The following DAPK3 variants were observed in gnomAD, a reference collection of about 807,000 sequenced individuals.
DAPK3 encodes death-associated protein kinase 3.
DAPK3 carries 24 observed loss-of-function variants against 30.6 expected under a neutral mutation model. The ratio of observed to expected loss-of-function variants is 0.78; its 90% CI spans 0.57 to 1.10. The LOEUF (loss-of-function observed/expected upper bound fraction) is 1.10, where lower values mean the gene tolerates loss of function less well. DAPK3 is among the 50% of genes least tolerant of loss of function. DAPK3 has a pLI of 0.00. For synonymous variants in DAPK3, 341 were observed against 284.0 expected, an observed-to-expected ratio of 1.20 and a Z score of -2.02; for missense variants, 629 against 657.3, an observed-to-expected ratio of 0.96 and a Z score of 0.47.
At chr19:3,966,313 GC>G (rs914031112) in intron 2 of DAPK3, among the ~76,000 whole-genome samples, 1 of 152,182 alleles carries the variant, frequency 6.6e-6, no homozygotes, top group Non-Finnish European at 1.5e-5. Context: ...TCCCAGGGCA[GC>G]CTTTGCCGCT....
intron 6 of DAPK3, chr19:3,961,431 G>T (rs543903246): frequency 3.3e-6 from 2 of 599,208 alleles, no homozygotes; most frequent in South Asian, 2.8e-5. Flanking sequence ...CTGTGCAGAC[G>T]CAGAGCCCGA....
chr19:3,969,516 TGACTCCACGGCCC>T (rs2039613524), intron 2 of DAPK3, among the ~76,000 whole-genome samples, 145 bp downstream of exon 2: 1 of 152,180 alleles, frequency 6.6e-6, no homozygotes, highest in South Asian at 2.1e-4. Context: ...CGGGGCTGTC[TGACTCCACGGCCC>T]AAATTCGTTC....
chr19:3,963,588 G>A (rs551924801), intron 6 of DAPK3, 55 bp downstream of exon 6: 554 of 1,213,262 alleles, frequency 4.6e-4, no homozygotes, highest in Non-Finnish European at 5.5e-4. Context: ...ACACGGAGCC[G>A]GGGACCCATG....
In DAPK3 at chr19:3,963,859, T is replaced by C. The variant is rs779691014; in HGVS notation, c.602+12A>G. 2.6e-6 allele frequency: 4 copies of C among 1,562,586 alleles called. No homozygotes were observed. In the East Asian group the frequency reaches 6.8e-5, roughly 26 times the overall value. ...TGCAGGGAGGCCCGGTGGGAGCAGG[T>C]GGTACACTCACCACATGTCCGCCTC... On this transcript the variant is annotated intron_variant, in intron 5 of 8. Coordinates refer to ENST00000545797, the MANE Select transcript of DAPK3 (RefSeq NM_001348.3).
chr19:3,969,863 C>A, intron 1 of DAPK3, 34 bp from the exon 2 acceptor site: 1 of 665,120 alleles, frequency 1.5e-6, no homozygotes, highest in Admixed American at 2.3e-5. Context: ...AAGTGAGGAA[C>A]TGAGACACCA....
At chr19:3,964,520 C>T (rs555588039) in intron 3 of DAPK3, 111 bp downstream of exon 3, 19 of 1,339,520 alleles carry the variant, frequency 1.4e-5, no homozygotes, top group African/African-American at 6.1e-5. Flanking sequence ...CTCACCCCCA[C>T]GCTCCCCACA....
At position 3,964,790 on chromosome 19, in the gene DAPK3, G is replaced by A. The variant is rs755805746; in HGVS notation, c.264C>T (p.Asp88=). Residue 88 remains aspartate, a synonymous_variant, in exon 3 of 9, where the codon GAC becomes GAT. Transcript: ENST00000545797. Reference sequence around the variant, plus strand: ...AGACCAGCTCCAGGATGAGGACCACGTCCGTCTTGTTCTCGAAGATGTCGT... The same window carrying A: ...AGACCAGCTCCAGGATGAGGACCACATCCGTCTTGTTCTCGAAGATGTCGT... ...TLHDIFENKT[D]VVLILELVSG... is the part of the protein sequence containing the mutation. 7 of 1,611,236 alleles carry A rather than the reference G, an allele frequency of 4.3e-6. No homozygotes were observed. Among genetic ancestry groups the A allele is most frequent in the African/African-American group, 1.3e-5 (1 of 74,758 alleles).
chr19:3,968,474 AG>A (rs1366907242), intron 2 of DAPK3, among the ~76,000 whole-genome samples: 3 of 152,072 alleles, frequency 2.0e-5, no homozygotes, highest in African/African-American at 4.8e-5. Context: ...GATAGTGTCA[AG>A]GAAAAAAAAA....
intron 2 of DAPK3, among the ~76,000 whole-genome samples, chr19:3,965,599 C>T (rs1346787361): frequency 1.3e-5 from 2 of 152,150 alleles, no homozygotes; most frequent in Non-Finnish European, 2.9e-5. Flanking sequence ...GCCTGGGCAA[C>T]GTAGCAAGAT....
At chr19:3,969,619 C>A in intron 2 of DAPK3, 55 bp downstream of exon 2, 1 of 1,130,088 alleles carries the variant, frequency 8.8e-7, no homozygotes, top group Non-Finnish European at 1.3e-6. Context: ...TTCAGAAAAC[C>A]CCACAGCGCC....
intron 6 of DAPK3, chr19:3,961,914 A>G: frequency 1.1e-5 from 2 of 186,132 alleles, no homozygotes; most frequent in South Asian, 2.2e-4. Context: ...GCTGGAGTGC[A>G]GTAGCGCGAT....
rs984534807 is a variant in DAPK3, at chr19:3,958,549, A to G, written c.*552T>C. ...CGATGGGGCTCGCGGAGGAGTCCGCAGCAGGGCACCCCACACCCGGGGGAC... is the reference window on the plus strand; with the variant it reads ...CGATGGGGCTCGCGGAGGAGTCCGCGGCAGGGCACCCCACACCCGGGGGAC... On this transcript the variant is annotated 3_prime_UTR_variant, in exon 9 of 9. Coordinates refer to ENST00000545797, the MANE Select transcript of DAPK3 (RefSeq NM_001348.3). The G allele has an allele frequency of 2.2e-6, 1 of 456,500 alleles. No homozygotes were observed. The highest frequency in any genetic ancestry group is 4.4e-6 in the Non-Finnish European group (1 of 227,556). 28.3% of individuals were successfully genotyped at this position (456,500 alleles called of 1,614,324 possible). A position where few individuals can be genotyped will look rare whatever the true frequency, so the allele number is the denominator to read the frequency against.
At position 3,969,912 on chromosome 19, in the gene DAPK3, AAC is replaced by A. The variant is rs1188409491; in HGVS notation, c.-94-85_-94-84del. On this transcript the variant is annotated intron_variant, in intron 1 of 8. Coordinates refer to ENST00000545797, the MANE Select transcript of DAPK3 (RefSeq NM_001348.3). ...GATTAATGGACAGACCTGTCCAGCA[AAC>A]ACAAGCCTCCCACCTCTCCACTCTG... The A allele has an allele frequency of 6.8e-6, 4 of 591,032 alleles. No individual in the cohort carries two copies. In the South Asian group the frequency reaches 8.3e-5, roughly 12 times the overall value. 36.6% of individuals were successfully genotyped at this position (591,032 alleles called of 1,614,324 possible). A position where few individuals can be genotyped will look rare whatever the true frequency, so the allele number is the denominator to read the frequency against.
Position 3,964,974 on chromosome 19 carries a change from A to AAACTG in DAPK3, c.79_80insCAGTT (p.Val27AlafsTer32), listed in dbSNP as rs1555682608. On this transcript the variant is annotated frameshift_variant, in exon 3 of 9. Transcript: ENST00000545797. LOFTEE classifies it high-confidence loss of function. ...CGTGCCCTTCTGCCGGCACTTCCGCACGATCGCAAACTGGCCGCTGGAGGA... is the reference window on the plus strand; with the variant it reads ...CGTGCCCTTCTGCCGGCACTTCCGCAAACTGCGATCGCAAACTGGCCGCTGGAGGA... The AAACTG allele has an allele frequency of 2.5e-6, 4 of 1,602,440 alleles. No individual in the cohort carries two copies. Among genetic ancestry groups the AAACTG allele is most frequent in the Admixed American group, 3.3e-5 (2 of 59,910 alleles).
Position 3,963,692 on chromosome 19 carries a change from G to C in DAPK3, c.603-23C>G, listed in dbSNP as rs569250764. The stretch of plus-strand genomic sequence containing the variant: ...CTCCTGGGGACAGACAAGAGGCAAG[G>C]GTCAGCGCAGCGTGGGGCCGCCCAC... On this transcript the variant is annotated intron_variant, in intron 5 of 8. Transcript: ENST00000545797. 6 of 1,530,080 alleles carry C rather than the reference G, an allele frequency of 3.9e-6. No individual in the cohort carries two copies. In the African/African-American group the frequency reaches 8.3e-5, roughly 21 times the overall value. The allele number at this position is 1,530,080 out of a possible 1,614,324, so 94.8% of individuals were successfully genotyped here.
chr19:3,963,894 C>A lies in DAPK3; in HGVS notation c.579G>T (p.Pro193=), dbSNP rs552077321. 19 of 1,603,038 alleles carry A rather than the reference C, an allele frequency of 1.2e-5. No individual in the cohort carries two copies. Among genetic ancestry groups the A allele is most frequent in the Non-Finnish European group, 1.6e-5 (19 of 1,171,428 alleles). The change falls in exon 5 of 9, where the codon CCG becomes CCT. Residue 193 remains proline, a synonymous_variant. Coordinates refer to ENST00000545797, the MANE Select transcript of DAPK3 (RefSeq NM_001348.3). ...ACCACATGTCCGCCTCCAGGCCCAGCGGCTCATAGTTCACAATCTCTGGGG... is the reference window on the plus strand; with the variant it reads ...ACCACATGTCCGCCTCCAGGCCCAGAGGCTCATAGTTCACAATCTCTGGGG... The part of the protein sequence containing the change: ...FVAPEIVNYE[P]LGLEADMWSI...
chr19:3,961,368 A>G, intron 6 of DAPK3: 1 of 709,934 alleles, frequency 1.4e-6, no homozygotes, highest in South Asian at 1.4e-5. Flanking sequence ...CCACCCCGCC[A>G]CTGACAGCAG....
intron 6 of DAPK3, 126 bp from the exon 7 acceptor site, chr19:3,961,287 A>G: frequency 1.3e-6 from 1 of 776,774 alleles, no homozygotes; most frequent in Non-Finnish European, 2.2e-6. Context: ...GGCCACTCAC[A>G]CTCCTGAGCC....
At chr19:3,966,609 G>A (rs751724491) in intron 2 of DAPK3, among the ~76,000 whole-genome samples, 3 of 152,172 alleles carry the variant, frequency 2.0e-5, no homozygotes, top group South Asian at 2.1e-4. Flanking sequence ...CATAAGCCCC[G>A]TCATTCACTC....
Sources: allele counts gnomAD v4.1 joint callset (sites outside exome capture counted in the v4.1 genomes callset), GRCh38; gene constraint gnomAD v4.1.1; transcripts MANE v1.5; gene names NCBI Gene and HGNC (gene_info 2026-07-23, HGNC 2026-07-21).